Variants in PAPPA2 observed in about 807,000 individuals in gnomAD.
PAPPA2 encodes pappalysin 2, also known as pappalysin-2.
In PAPPA2, 86 loss-of-function variants were observed where a neutral mutation model predicts 176.4. That is an observed-to-expected ratio of 0.49 (90% CI 0.41 to 0.58). The LOEUF (loss-of-function observed/expected upper bound fraction) is 0.58. Among genes scored for constraint, PAPPA2 ranks in the 20% least tolerant of loss-of-function variants. PAPPA2 has a pLI of 0.00. For synonymous variants in PAPPA2, 809 were observed against 852.2 expected (o/e 0.95, Z 0.88); for missense variants, 2,073 against 2,256.9 (o/e 0.92, Z 1.65).
At chr1:176,586,149 A>G (rs1421542363) in intron 2 of PAPPA2, among the ~76,000 whole-genome samples, 2 of 152,102 alleles carry the variant, frequency 1.3e-5, no homozygotes, top group Admixed American at 1.3e-4. Context: ...CAATTTTATG[A>G]AATAGATTTA....
At chr1:176,757,716 C>G (rs1663495092) in intron 14 of PAPPA2, among the ~76,000 whole-genome samples, 1 of 152,144 alleles carries the variant, frequency 6.6e-6, no homozygotes, top group South Asian at 2.1e-4. Flanking sequence ...AATTAGAGCC[C>G]ATTTGTCAAT....
At chr1:176,505,036 A>C (rs1434330112) in intron 1 of PAPPA2, among the ~76,000 whole-genome samples, 5 of 152,106 alleles carry the variant, frequency 3.3e-5, no homozygotes, top group Non-Finnish European at 1.5e-5. Context: ...TTACCTAAGG[A>C]ACAGTAAAAC....
In PAPPA2 at chr1:176,819,029, C is replaced by T. The variant is rs146954720; in HGVS notation, c.5202+18897C>T. On this transcript the variant is annotated intron_variant, in intron 21 of 22. Transcript: ENST00000367662. Reference sequence around the variant, plus strand: ...TTTCCCCATTGGAATATAAGTTCCACGGGGCATTAAGTTTTGCAGATTGTA... The same window carrying T: ...TTTCCCCATTGGAATATAAGTTCCATGGGGCATTAAGTTTTGCAGATTGTA... Among the ~76,000 whole-genome samples, 526 of 152,290 alleles carry T rather than the reference C, an allele frequency of 3.5e-3. 3 individuals carry two copies. Among genetic ancestry groups the T allele is most frequent in the African/African-American group, 0.012 (486 of 41,560 alleles).
intron 2 of PAPPA2, among the ~76,000 whole-genome samples, chr1:176,560,915 G>C (rs1253714143): frequency 1.3e-5 from 2 of 152,214 alleles, no homozygotes; most frequent in East Asian, 3.9e-4. Context: ...ATTGGAGCCT[G>C]AGCCCAGGTT....
chr1:176,734,546 C>T (rs999646085), intron 12 of PAPPA2, among the ~76,000 whole-genome samples: 2 of 152,010 alleles, frequency 1.3e-5, no homozygotes, highest in Non-Finnish European at 2.9e-5. Context: ...AAAACAGGCT[C>T]CAACCACACC....
intron 3 of PAPPA2, among the ~76,000 whole-genome samples, chr1:176,660,573 G>A (rs796461664): frequency 7.4e-5 from 11 of 149,430 alleles, no homozygotes; most frequent in African/African-American, 2.4e-4. Context: ...AACTTTTTTG[G>A]GGGTAGTCCC....
At chr1:176,478,257 T>G (rs753183122) in intron 1 of PAPPA2, among the ~76,000 whole-genome samples, 1 of 152,246 alleles carries the variant, frequency 6.6e-6, no homozygotes, top group Non-Finnish European at 1.5e-5. Flanking sequence ...TCCAATGGAA[T>G]ATATTCTGAT....
intron 12 of PAPPA2, among the ~76,000 whole-genome samples, chr1:176,731,032 G>A (rs111393103): frequency 1.6e-4 from 24 of 151,978 alleles, no homozygotes; most frequent in East Asian, 1.5e-3. Flanking sequence ...GCCAGTCCAA[G>A]GTAAAAATGT....
chr1:176,695,936 G>C (rs1571188810), intron 7 of PAPPA2, 77 bp downstream of exon 7: 2 of 1,563,654 alleles, frequency 1.3e-6, no homozygotes, highest in East Asian at 2.2e-5. Flanking sequence ...GTGGAGTAGT[G>C]ACATGGTGAC....
chr1:176,474,281 G>GT (rs1323613606), intron 1 of PAPPA2, among the ~76,000 whole-genome samples: 4 of 152,102 alleles, frequency 2.6e-5, no homozygotes, highest in African/African-American at 7.2e-5. Context: ...GATGAAGGCT[G>GT]TATTATTTTT....
At chr1:176,799,917 C>T (rs1665603068) in intron 20 of PAPPA2, 144 bp from the exon 21 acceptor site, 2 of 774,260 alleles carry the variant, frequency 2.6e-6, no homozygotes, top group Admixed American at 2.1e-5. Flanking sequence ...CTAGATAGCC[C>T]CAATCCACTT....
At chr1:176,470,494 T>A (rs1205111138) in intron 1 of PAPPA2, among the ~76,000 whole-genome samples, 1 of 152,122 alleles carries the variant, frequency 6.6e-6, no homozygotes, top group Non-Finnish European at 1.5e-5. Flanking sequence ...CAGAAGGACA[T>A]GTTCTCAATC....
At position 176,556,884 on chromosome 1, in the gene PAPPA2, C is replaced by A. The variant is rs746629233; in HGVS notation, c.562C>A (p.Gln188Lys). The change falls in exon 2 of 23, where the codon CAA becomes AAA. Residue 188 changes from glutamine to lysine, a missense_variant. Gln to Lys is a moderately conservative substitution (Grantham distance 53, BLOSUM62 1). This residue lies in a region of PAPPA2 where 1,196 missense variants were observed against 1,330.4 expected (regional missense o/e 0.90). Coordinates refer to ENST00000367662, the MANE Select transcript of PAPPA2 (RefSeq NM_020318.3). ...CCTGAACGAACCCAAACCAGAGACC[C>A]AAAGGAGGGGCTGGGCCAAGTCCAG... ...TTLNEPKPET[Q>K]RRGWAKSRQR... The A allele has an allele frequency of 6.2e-7, 1 of 1,614,098 alleles. No homozygotes were observed. The highest frequency in any genetic ancestry group is 1.1e-5 in the South Asian group (1 of 91,064).
intron 3 of PAPPA2, among the ~76,000 whole-genome samples, chr1:176,660,172 G>T (rs1423393452): frequency 2.0e-5 from 3 of 152,004 alleles, no homozygotes; most frequent in African/African-American, 7.2e-5. Flanking sequence ...TCTATTCATG[G>T]CAGTACATAG....
At chr1:176,753,954 A>C (rs532252808) in intron 14 of PAPPA2, among the ~76,000 whole-genome samples, 7 of 151,298 alleles carry the variant, frequency 4.6e-5, no homozygotes, top group East Asian at 2.0e-4. Context: ...CAGATGATGG[A>C]TGGCTGGCTG....
At chr1:176,819,168 A>AGG (rs1666553832) in intron 21 of PAPPA2, among the ~76,000 whole-genome samples, 1 of 152,184 alleles carries the variant, frequency 6.6e-6, no homozygotes, top group Non-Finnish European at 1.5e-5. Context: ...TCCACATGTC[A>AGG]GGGGGAGGGT....
chr1:176,836,241 GT>G (rs1206827889), intron 21 of PAPPA2, among the ~76,000 whole-genome samples: 3 of 151,992 alleles, frequency 2.0e-5, no homozygotes, highest in East Asian at 1.9e-4. Flanking sequence ...ATAACGAGAA[GT>G]TTTTTTTATG....
At chr1:176,634,696 T>G (rs1656560196) in intron 3 of PAPPA2, among the ~76,000 whole-genome samples, 1 of 151,830 alleles carries the variant, frequency 6.6e-6, no homozygotes, top group Admixed American at 6.6e-5. Flanking sequence ...AGTACATAGA[T>G]GAAGACAGAT....
At chr1:176,836,155 G>A (rs1298280320) in intron 21 of PAPPA2, among the ~76,000 whole-genome samples, 1 of 152,150 alleles carries the variant, frequency 6.6e-6, no homozygotes, top group Non-Finnish European at 1.5e-5. Flanking sequence ...TGCCTGATTT[G>A]GAAAGGAGCT....
Sources: gnomAD v4.1 joint callset for allele counts (sites outside exome capture counted in the v4.1 genomes callset) on GRCh38, gnomAD v4.1.1 for gene constraint, gnomAD v4.1.1 regional missense constraint, MANE v1.5 for transcripts, NCBI Gene and HGNC (gene_info 2026-07-23, HGNC 2026-07-21) for gene names.